Variants in GABRA2 observed in about 807,000 individuals in gnomAD.
GABRA2 encodes the protein gamma-aminobutyric acid receptor subunit alpha-2.
A neutral mutation model predicts 48.7 loss-of-function variants in GABRA2; 16 were observed. The ratio of observed to expected loss-of-function variants is 0.33; its 90% confidence interval spans 0.22 to 0.50. The LOEUF (loss-of-function observed/expected upper bound fraction) is 0.50, where lower values mean the gene tolerates loss of function less well. Among genes scored for constraint, GABRA2 ranks in the 20% least tolerant of loss-of-function variants. GABRA2 has a pLI of 0.98. For missense variants in GABRA2, 275 were observed against 535.6 expected, an observed-to-expected ratio of 0.51 and a Z score of 4.80; for synonymous variants, 185 against 184.5, an observed-to-expected ratio of 1.00 and a Z score of -0.02.
intron 4 of GABRA2, among the ~76,000 whole-genome samples, chr4:46,317,914 AT>A (rs2109730982): frequency 6.6e-6 from 1 of 151,878 alleles, no homozygotes; most frequent in South Asian, 2.1e-4. Context: ...ATAGTATCAG[AT>A]CATTGCAAGT....
intron 3 of GABRA2, among the ~76,000 whole-genome samples, chr4:46,370,113 T>C (rs1007836366): frequency 6.6e-6 from 1 of 152,012 alleles, no homozygotes; most frequent in Non-Finnish European, 1.5e-5. Context: ...CAGAGCTACC[T>C]TAAGTGCCCT....
intron 4 of GABRA2, among the ~76,000 whole-genome samples, chr4:46,324,642 C>T (rs1404933785): frequency 6.6e-6 from 1 of 151,390 alleles, no homozygotes; most frequent in Non-Finnish European, 1.5e-5. Flanking sequence ...TTGCATGTTG[C>T]TGGGGTATGA....
At chr4:46,278,712 T>G (rs933968400) in intron 8 of GABRA2, among the ~76,000 whole-genome samples, 1 of 152,114 alleles carries the variant, frequency 6.6e-6, no homozygotes, top group African/African-American at 2.4e-5. Flanking sequence ...TCCTTATAGA[T>G]TTCAAGGACT....
Position 46,246,063 on chromosome 4 carries a change from A to G in GABRA2, c.*4245T>C, listed in dbSNP as rs1206281862. On this transcript the variant is annotated 3_prime_UTR_variant, in exon 10 of 10. Transcript: ENST00000381620. Reference sequence around the variant, plus strand: ...ATTTACCTTCCCAAATGACTTTCACATGAACTTTCTCTACTTTAGTATTTT... The same window carrying G: ...ATTTACCTTCCCAAATGACTTTCACGTGAACTTTCTCTACTTTAGTATTTT... Among the ~76,000 whole-genome samples the G allele has an allele frequency of 6.6e-6, 1 of 151,142 alleles. No homozygotes were observed. Among genetic ancestry groups the G allele is most frequent in the Non-Finnish European group, 1.5e-5 (1 of 67,436 alleles).
rs1038673771 is a variant in GABRA2, at chr4:46,247,150, G to T, written c.*3158C>A. 6.6e-6 allele frequency among the ~76,000 whole-genome samples: 1 copy of T among 151,010 alleles called. No homozygotes were observed. Among genetic ancestry groups the T allele is most frequent in the African/African-American group, 2.4e-5 (1 of 41,312 alleles). ...ACCTGAGATAAATTCAAAATAGAGA[G>T]ATACCTGAAAAGATTTCTAAACATT... On this transcript the variant is annotated 3_prime_UTR_variant, in exon 10 of 10. Coordinates refer to ENST00000381620, the MANE Select transcript of GABRA2 (RefSeq NM_000807.4).
At chr4:46,303,156 A>C (rs368017672) in intron 8 of GABRA2, 22 of 261,938 alleles carry the variant, frequency 8.4e-5, no homozygotes, top group African/African-American at 4.7e-4. Flanking sequence ...TTGAGCAAAA[A>C]AAAAAAAGAA....
At chr4:46,370,077 A>C (rs1278320912) in intron 3 of GABRA2, among the ~76,000 whole-genome samples, 1 of 152,148 alleles carries the variant, frequency 6.6e-6, no homozygotes, top group Non-Finnish European at 1.5e-5. Flanking sequence ...GATGGAACCA[A>C]AAAAGTGAAC....
intron 6 of GABRA2, among the ~76,000 whole-genome samples, chr4:46,306,690 G>A (rs1001597961): frequency 6.6e-6 from 1 of 152,100 alleles, no homozygotes; most frequent in African/African-American, 2.4e-5. Context: ...TCACAGTCAC[G>A]TTATCAATTA....
At chr4:46,318,347 C>A (rs566048027) in intron 4 of GABRA2, among the ~76,000 whole-genome samples, 1 of 151,034 alleles carries the variant, frequency 6.6e-6, no homozygotes, top group Non-Finnish European at 1.5e-5. Context: ...TATATAGATA[C>A]ATAAACAAAT....
intron 3 of GABRA2, among the ~76,000 whole-genome samples, chr4:46,347,487 T>C (rs1410953641): frequency 1.3e-5 from 2 of 151,914 alleles, no homozygotes; most frequent in Non-Finnish European, 2.9e-5. Context: ...GAACACATTT[T>C]GGGGAAAGGA....
intron 8 of GABRA2, among the ~76,000 whole-genome samples, chr4:46,289,433 C>T (rs1262214786): frequency 6.6e-6 from 1 of 152,090 alleles, no homozygotes; most frequent in South Asian, 2.1e-4. Context: ...TTATACTTAG[C>T]AAATTAATGC....
At chr4:46,283,096 T>C (rs1219188161) in intron 8 of GABRA2, among the ~76,000 whole-genome samples, 1 of 152,184 alleles carries the variant, frequency 6.6e-6, no homozygotes, top group Admixed American at 6.5e-5. Flanking sequence ...CAGAAACTAC[T>C]AGCTATCAAT....
At chr4:46,387,885 G>C (rs536113065) in intron 2 of GABRA2, among the ~76,000 whole-genome samples, 169 of 152,140 alleles carry the variant, frequency 1.1e-3, no homozygotes, top group African/African-American at 3.9e-3. Flanking sequence ...CTGGTATTTT[G>C]AGAATCATAT....
At chr4:46,323,060 A>G (rs1474414777) in intron 4 of GABRA2, among the ~76,000 whole-genome samples, 1 of 151,802 alleles carries the variant, frequency 6.6e-6, no homozygotes, top group Non-Finnish European at 1.5e-5. Flanking sequence ...CAGAATGTAT[A>G]TAGTATAATA....
At chr4:46,254,978 C>T (rs954657242) in intron 9 of GABRA2, among the ~76,000 whole-genome samples, 2 of 151,604 alleles carry the variant, frequency 1.3e-5, no homozygotes, top group African/African-American at 4.8e-5. Flanking sequence ...CAGGCTAACA[C>T]TGATTCAGCT....
intron 8 of GABRA2, among the ~76,000 whole-genome samples, chr4:46,298,921 A>G (rs1014285043): frequency 1.3e-5 from 2 of 151,696 alleles, no homozygotes; most frequent in Admixed American, 6.6e-5. Flanking sequence ...CCTAGGTTTA[A>G]TTGCTAAATA....
intron 3 of GABRA2, among the ~76,000 whole-genome samples, chr4:46,359,528 G>C (rs6447508): frequency 0.63 from 95,036 of 151,950 alleles, 30,433 homozygotes; most frequent in African/African-American, 0.76. Context: ...CCTGTACCAA[G>C]TAATAATGGA....
intron 8 of GABRA2, among the ~76,000 whole-genome samples, chr4:46,273,380 CTGTGTG>C (rs35001945): frequency 6.9e-6 from 1 of 144,758 alleles, no homozygotes; most frequent in East Asian, 2.1e-4. Flanking sequence ...CTCTCTCCCT[CTGTGTG>C]TGTGTGTGTG....
chr4:46,289,571 A>C (rs1162906746), intron 8 of GABRA2, among the ~76,000 whole-genome samples: 3 of 152,270 alleles, frequency 2.0e-5, no homozygotes, highest in African/African-American at 7.2e-5. Context: ...GGGAGGAGGG[A>C]GAGGAACAGG....
Sources: gnomAD v4.1 joint callset for allele counts (sites outside exome capture counted in the v4.1 genomes callset) on GRCh38, gnomAD v4.1.1 for gene constraint, MANE v1.5 for transcripts, NCBI Gene and HGNC (gene_info 2026-07-23, HGNC 2026-07-21) for gene names.